MMP26: variants seen among roughly 807,000 people sequenced by gnomAD.
MMP26 encodes the protein matrix metallopeptidase 26.
In MMP26, 33 loss-of-function variants were observed where a neutral mutation model predicts 31.0. The observed-to-expected ratio is 1.06, with a 90% CI of 0.81 to 1.42. The LOEUF (loss-of-function observed/expected upper bound fraction) is 1.42. Among genes scored for constraint, MMP26 ranks in the 40% most tolerant of loss-of-function variants. The pLI is 0.00. For missense variants in MMP26, 347 were observed against 316.1 expected, an observed-to-expected ratio of 1.10 and a Z score of -0.74; for synonymous variants, 122 against 114.9, an observed-to-expected ratio of 1.06 and a Z score of -0.40.
intron 2 of MMP26, chr11:4,924,189 T>C (rs779307243): frequency 6.2e-7 from 1 of 1,614,082 alleles, no homozygotes; most frequent in Non-Finnish European, 8.5e-7. Context: ...TCAGTACAAA[T>C]GACGTGGAGA....
chr11:4,858,997 G>A (rs1564795317), intron 2 of MMP26, among the ~76,000 whole-genome samples: 1 of 152,158 alleles, frequency 6.6e-6, no homozygotes, highest in Non-Finnish European at 1.5e-5. Context: ...AATAAATGGA[G>A]CTGGGAAAAC....
intron 1 of MMP26, among the ~76,000 whole-genome samples, chr11:4,731,428 T>A (rs1027850469): frequency 6.6e-6 from 1 of 152,110 alleles, no homozygotes; most frequent in Non-Finnish European, 1.5e-5. Flanking sequence ...TTGTGTAAGT[T>A]TTTTCAGTAT....
intron 2 of MMP26, among the ~76,000 whole-genome samples, chr11:4,898,386 G>A (rs1850745267): frequency 6.6e-6 from 1 of 151,660 alleles, no homozygotes; most frequent in Admixed American, 6.6e-5. Context: ...ATGTGTCTAT[G>A]TGTTAATTTC....
At chr11:4,822,108 C>T (rs1396944170) in intron 2 of MMP26, 1 of 1,613,804 alleles carries the variant, frequency 6.2e-7, no homozygotes, top group African/African-American at 1.3e-5. Flanking sequence ...CTGTCCTCAG[C>T]ATTGCTTCCT....
At chr11:4,865,395 T>C (rs1272915050) in intron 2 of MMP26, among the ~76,000 whole-genome samples, 1 of 152,144 alleles carries the variant, frequency 6.6e-6, no homozygotes, top group Non-Finnish European at 1.5e-5. Flanking sequence ...GAGAAATTTC[T>C]TCTGAAGTAG....
intron 2 of MMP26, among the ~76,000 whole-genome samples, chr11:4,797,929 C>A (rs2133449021): frequency 6.6e-6 from 1 of 152,248 alleles, no homozygotes; most frequent in African/African-American, 2.4e-5. Flanking sequence ...CTTTCTGAGT[C>A]AGAAGTAATC....
intron 1 of MMP26, among the ~76,000 whole-genome samples, chr11:4,721,937 T>G (rs779810594): frequency 9.2e-5 from 14 of 152,300 alleles, no homozygotes; most frequent in Non-Finnish European, 1.8e-4. Context: ...CATCTCAGCA[T>G]CCCTTGTGAT....
At chr11:4,828,613 A>G (rs746830837) in intron 2 of MMP26, among the ~76,000 whole-genome samples, 73 of 152,084 alleles carry the variant, frequency 4.8e-4, no homozygotes, top group Non-Finnish European at 2.6e-4. Context: ...TAATGGGTGG[A>G]GGTTTGAATA....
At chr11:4,760,046 T>C (rs1848553800) in intron 1 of MMP26, among the ~76,000 whole-genome samples, 1 of 152,220 alleles carries the variant, frequency 6.6e-6, no homozygotes. Flanking sequence ...AGCCTCTAAT[T>C]AGTAAGAGTA....
intron 2 of MMP26, among the ~76,000 whole-genome samples, chr11:4,779,656 G>T (rs921748602): frequency 2.6e-5 from 4 of 151,968 alleles, no homozygotes; most frequent in Non-Finnish European, 5.9e-5. Flanking sequence ...ATTCACATTT[G>T]AATTTCTTTC....
chr11:4,926,459 T>C (rs1851275352), intron 2 of MMP26, among the ~76,000 whole-genome samples: 2 of 152,250 alleles, frequency 1.3e-5, no homozygotes, highest in Admixed American at 6.5e-5. Context: ...GAGAAAATTT[T>C]CCATCAATAA....
In MMP26 at chr11:4,925,929, G is replaced by A. The variant is rs148671966; in HGVS notation, c.-144-62139G>A. ...GCTTACCTTATTAGTGGGTGAGGAG[G>A]ATTAAGTAAAAAGTTTATATTCTGT... On this transcript the variant is annotated intron_variant, in intron 2 of 7. Transcript: ENST00000380390. Among the ~76,000 whole-genome samples, 601 of 152,236 alleles carry A rather than the reference G, an allele frequency of 3.9e-3. 4 individuals are homozygous for A. Among genetic ancestry groups the A allele is most frequent in the South Asian group, 6.0e-3 (29 of 4,822 alleles).
chr11:4,988,409 T>C (rs2133649406), intron 3 of MMP26, 99 bp downstream of exon 3: 1 of 853,270 alleles, frequency 1.2e-6, no homozygotes, highest in East Asian at 2.4e-5. Context: ...TAATGATAAA[T>C]ACACACATTA....
At chr11:4,731,029 C>T (rs1294468848) in intron 1 of MMP26, among the ~76,000 whole-genome samples, 2 of 152,132 alleles carry the variant, frequency 1.3e-5, no homozygotes. Flanking sequence ...ACTGCAGCCT[C>T]CACCTCCCAG....
At chr11:4,923,719 G>T in intron 2 of MMP26, 1 of 1,614,088 alleles carries the variant, frequency 6.2e-7, no homozygotes. Flanking sequence ...CACCCACGGT[G>T]CAGGCCACAA....
chr11:4,804,845 C>G (rs1849244826), intron 2 of MMP26, among the ~76,000 whole-genome samples: 1 of 151,412 alleles, frequency 6.6e-6, no homozygotes, highest in South Asian at 2.1e-4. Flanking sequence ...TAGAGCACGC[C>G]TATAGTCCCA....
At chr11:4,860,196 G>T (rs1392973301) in intron 2 of MMP26, 1 of 471,042 alleles carries the variant, frequency 2.1e-6, no homozygotes, top group Non-Finnish European at 4.4e-6. Context: ...CCACAAATCT[G>T]TCAAAGGCCA....
chr11:4,843,180 C>A (rs181305744), intron 2 of MMP26, among the ~76,000 whole-genome samples: 4 of 152,302 alleles, frequency 2.6e-5, no homozygotes, highest in Non-Finnish European at 5.9e-5. Flanking sequence ...TGCAAGCTAT[C>A]GGTGGATCTG....
chr11:4,987,560 A>G (rs1283075239), intron 2 of MMP26, among the ~76,000 whole-genome samples: 1 of 148,216 alleles, frequency 6.7e-6, no homozygotes, highest in East Asian at 1.9e-4. Flanking sequence ...CTGGGACTAC[A>G]GGCGCCCACC....
Sources: gnomAD v4.1 joint callset for allele counts (sites outside exome capture counted in the v4.1 genomes callset) on GRCh38, gnomAD v4.1.1 for gene constraint, MANE v1.5 for transcripts, NCBI Gene and HGNC (gene_info 2026-07-23, HGNC 2026-07-21) for gene names.